VWA8: variants seen among roughly 807,000 people sequenced by gnomAD.
VWA8 encodes von Willebrand factor A domain-containing protein 8.
VWA8 carries 221 observed loss-of-function variants against 241.5 expected under a neutral mutation model. The ratio of observed to expected loss-of-function variants is 0.91; its 90% CI spans 0.82 to 1.02. VWA8 has a LOEUF of 1.02. VWA8 is among the 50% of genes least tolerant of loss of function. The pLI is 0.00. For synonymous variants in VWA8, 852 were observed against 827.1 expected, an observed-to-expected ratio of 1.03 and a Z score of -0.52; for missense variants, 2,322 against 2,328.7, an observed-to-expected ratio of 1.00 and a Z score of 0.06.
At chr13:41,622,357 G>T (rs1373628175) in intron 37 of VWA8, among the ~76,000 whole-genome samples, 2 of 152,160 alleles carry the variant, frequency 1.3e-5, no homozygotes, top group Non-Finnish European at 2.9e-5. Flanking sequence ...AAGTTGATAA[G>T]CTGCTGTTTG....
chr13:41,660,302 G>A (rs1460667438), intron 37 of VWA8, among the ~76,000 whole-genome samples: 1 of 152,086 alleles, frequency 6.6e-6, no homozygotes, highest in African/African-American at 2.4e-5. Flanking sequence ...TTTTAGTAGA[G>A]ATGGGGTTTC....
chr13:41,603,101 T>C (rs577188840), intron 40 of VWA8, among the ~76,000 whole-genome samples: 3 of 152,188 alleles, frequency 2.0e-5, no homozygotes, highest in Non-Finnish European at 4.4e-5. Context: ...TAGTAAGTTA[T>C]TGACTCCAAC....
intron 9 of VWA8, among the ~76,000 whole-genome samples, chr13:41,880,853 C>A (rs1218121841): frequency 6.6e-6 from 1 of 152,130 alleles, no homozygotes; most frequent in African/African-American, 2.4e-5. Context: ...TCAACTGAGT[C>A]TTTTGGAGGG....
At position 41,651,817 on chromosome 13, in the gene VWA8, C is replaced by A. The variant is rs533888639; in HGVS notation, c.4611+19129G>T. Reference sequence around the variant, plus strand: ...GGGAACCTAAGGGACTCTTCTAGAGCTTGTAAGCAAATTTAGCAACACAGG... The same window carrying A: ...GGGAACCTAAGGGACTCTTCTAGAGATTGTAAGCAAATTTAGCAACACAGG... On this transcript the variant is annotated intron_variant, in intron 37 of 44. Transcript: ENST00000379310. Among the ~76,000 whole-genome samples, 8 of 152,234 alleles carry A rather than the reference C, an allele frequency of 5.3e-5. No homozygotes were observed. The South Asian group carries it at 1.7e-3, about 32-fold the overall frequency.
intron 2 of VWA8, among the ~76,000 whole-genome samples, chr13:41,933,386 A>G (rs1877211283): frequency 6.6e-6 from 1 of 152,072 alleles, no homozygotes; most frequent in Non-Finnish European, 1.5e-5. Flanking sequence ...AATTATCTCC[A>G]AAATGATCTA....
At chr13:41,595,121 G>A (rs944014901) in intron 40 of VWA8, among the ~76,000 whole-genome samples, 2 of 152,206 alleles carry the variant, frequency 1.3e-5, no homozygotes, top group Non-Finnish European at 2.9e-5. Flanking sequence ...TACATTTTCT[G>A]TGATATGTAA....
intron 14 of VWA8, among the ~76,000 whole-genome samples, chr13:41,825,948 A>T (rs1871154600): frequency 6.6e-6 from 1 of 152,206 alleles, no homozygotes; most frequent in South Asian, 2.1e-4. Context: ...TTCAGTACAA[A>T]TTTGCTGCTT....
At chr13:41,700,780 T>C (rs542665175) in intron 28 of VWA8, among the ~76,000 whole-genome samples, 4 of 152,328 alleles carry the variant, frequency 2.6e-5, no homozygotes, top group African/African-American at 9.6e-5. Context: ...AAAGACAAGA[T>C]ACCAATTTTT....
chr13:41,592,443 T>G (rs2044461759), intron 40 of VWA8, among the ~76,000 whole-genome samples: 1 of 149,604 alleles, frequency 6.7e-6, no homozygotes, highest in South Asian at 2.1e-4. Flanking sequence ...AATGTGCACA[T>G]GTACCCTAAA....
chr13:41,942,285 A>G (rs1462515848), intron 2 of VWA8, among the ~76,000 whole-genome samples: 1 of 152,220 alleles, frequency 6.6e-6, no homozygotes, highest in Non-Finnish European at 1.5e-5. Flanking sequence ...GGATGAAATG[A>G]GTTGCAAGAG....
chr13:41,942,475 G>T (rs1249332366), intron 2 of VWA8, among the ~76,000 whole-genome samples: 3 of 152,154 alleles, frequency 2.0e-5, no homozygotes, highest in Non-Finnish European at 4.4e-5. Context: ...TGGTAGAATG[G>T]CAGGAGGAGA....
At chr13:41,771,128 CCTTT>C (rs1414196772) in intron 20 of VWA8, among the ~76,000 whole-genome samples, 19 of 152,064 alleles carry the variant, frequency 1.2e-4, no homozygotes, top group African/African-American at 4.6e-4. Context: ...AAAAATAATT[CCTTT>C]CTTTTTTTGA....
chr13:41,572,876 G>A (rs552534991), intron 43 of VWA8, among the ~76,000 whole-genome samples: 4 of 150,644 alleles, frequency 2.7e-5, no homozygotes, highest in African/African-American at 9.8e-5. Context: ...TTGGGAGGCC[G>A]AGGCTGGCAG....
intron 36 of VWA8, 103 bp from the exon 37 acceptor site, chr13:41,671,250 CA>C: frequency 8.0e-7 from 1 of 1,251,066 alleles, no homozygotes; most frequent in Non-Finnish European, 1.1e-6. Flanking sequence ...AGTATGCTCA[CA>C]CTACTCATTA....
At chr13:41,843,699 C>T (rs1872160276) in intron 12 of VWA8, among the ~76,000 whole-genome samples, 3 of 151,558 alleles carry the variant, frequency 2.0e-5, no homozygotes, top group Admixed American at 2.0e-4. Flanking sequence ...CAATCAATGC[C>T]TACTATGAAC....
At chr13:41,921,418 G>A (rs1350268318) in intron 2 of VWA8, among the ~76,000 whole-genome samples, 1 of 152,172 alleles carries the variant, frequency 6.6e-6, no homozygotes, top group African/African-American at 2.4e-5. Flanking sequence ...ATTCAACACA[G>A]TGTTGGAAGT....
chr13:41,893,721 T>C (rs933011958), intron 4 of VWA8, among the ~76,000 whole-genome samples: 12 of 152,070 alleles, frequency 7.9e-5, no homozygotes, highest in African/African-American at 2.9e-4. Flanking sequence ...CCGTCTCTAC[T>C]AGAAATACAA....
Position 41,623,778 on chromosome 13 carries a change from A to G in VWA8, c.4612-8694T>C, listed in dbSNP as rs114798552. ...TACTTCTAGGAGGATATTGTGTAAA[A>G]GGGAACAAAGTCACAGCACAAGATG... On this transcript the variant is annotated intron_variant, in intron 37 of 44. Transcript: ENST00000379310. 5.5e-3 allele frequency among the ~76,000 whole-genome samples: 838 copies of G among 152,296 alleles called. 11 individuals are homozygous for G. The highest frequency in any genetic ancestry group is 0.016 in the African/African-American group (664 of 41,566).
Position 41,570,608 on chromosome 13 carries a change from C to CTCA in VWA8, c.5466_5468dup (p.Asp1822dup). On this transcript the variant is annotated inframe_insertion, in exon 44 of 45. Coordinates refer to ENST00000379310, the MANE Select transcript of VWA8 (RefSeq NM_015058.2). ...CATCACTCAAGACTATGACAAAGTA[C>CTCA]TCATCAGCTTCTTCTTTGACAATTT... The CTCA allele has an allele frequency of 6.2e-7, 1 of 1,614,240 alleles. No homozygotes were observed. Among genetic ancestry groups the CTCA allele is most frequent in the South Asian group, 1.1e-5 (1 of 91,088 alleles).
Sources: allele counts gnomAD v4.1 joint callset (sites outside exome capture counted in the v4.1 genomes callset), GRCh38; gene constraint gnomAD v4.1.1; transcripts MANE v1.5; gene names NCBI Gene and HGNC (gene_info 2026-07-23, HGNC 2026-07-21).